The following PTP4A1 variants were observed in gnomAD, a reference collection of about 807,000 sequenced individuals.
PTP4A1 encodes protein tyrosine phosphatase type IVA 1.
In PTP4A1, 9 loss-of-function variants were observed where a neutral mutation model predicts 20.5. The observed-to-expected ratio is 0.44, with a 90% CI of 0.26 to 0.77. PTP4A1 has a LOEUF of 0.77. Ranked by LOEUF, PTP4A1 falls within the 30% of genes least tolerant of loss-of-function variation. The pLI is 0.19. For missense variants in PTP4A1, 137 were observed against 218.8 expected, an observed-to-expected ratio of 0.63 and a Z score of 2.36; for synonymous variants, 78 against 67.4, an observed-to-expected ratio of 1.16 and a Z score of -0.77.
At position 63,581,183 on chromosome 6, in the gene PTP4A1, T is replaced by C. The variant is rs1167647867; in HGVS notation, c.*1009T>C. The C allele has an allele frequency of 1.3e-5, 2 of 152,556 alleles. No homozygotes were observed. Among genetic ancestry groups the C allele is most frequent in the East Asian group, 1.9e-4 (1 of 5,186 alleles). 9.5% of individuals were successfully genotyped at this position (152,556 alleles called of 1,614,324 possible). A position where few individuals can be genotyped will look rare whatever the true frequency, so the allele number is the denominator to read the frequency against. On this transcript the variant is annotated 3_prime_UTR_variant, in exon 6 of 6. Transcript: ENST00000626021. Reference sequence around the variant, plus strand: ...CCAACCTCTCTTGCAAAAAAAGAAATGGGTTTCTGCTAATGAATTGAGCAG... The same window carrying C: ...CCAACCTCTCTTGCAAAAAAAGAAACGGGTTTCTGCTAATGAATTGAGCAG...
intron 2 of PTP4A1, among the ~76,000 whole-genome samples, chr6:63,544,016 T>C (rs185822314): frequency 1.3e-5 from 2 of 152,342 alleles, no homozygotes; most frequent in East Asian, 3.9e-4. Context: ...ATTCATTTCC[T>C]TCACCACATT....
At chr6:63,522,049 G>A (rs1397097286) in intron 1 of PTP4A1, among the ~76,000 whole-genome samples, 1 of 152,176 alleles carries the variant, frequency 6.6e-6, no homozygotes, top group African/African-American at 2.4e-5. Flanking sequence ...TTTTCCCACA[G>A]GCTTTGCCAG....
chr6:63,576,999 T>G lies in PTP4A1; in HGVS notation c.105+14T>G. 1 of 1,583,598 alleles carries G rather than the reference T, an allele frequency of 6.3e-7. No homozygotes were observed. The highest frequency in any genetic ancestry group is 8.7e-7 in the Non-Finnish European group (1 of 1,153,440). On this transcript the variant is annotated intron_variant, in intron 2 of 5. Coordinates refer to ENST00000626021, the MANE Select transcript of PTP4A1 (RefSeq NM_003463.5). Reference sequence around the variant, plus strand: ...AAATTTATAGAGGTAAGATTTGATATGTTTTAGTAGCTTAAATTGATTGCA... The same window carrying G: ...AAATTTATAGAGGTAAGATTTGATAGGTTTTAGTAGCTTAAATTGATTGCA...
At chr6:63,540,392 A>C (rs917681695) in intron 2 of PTP4A1, among the ~76,000 whole-genome samples, 1 of 152,154 alleles carries the variant, frequency 6.6e-6, no homozygotes, top group African/African-American at 2.4e-5. Context: ...AGGCTGAGGC[A>C]GGCAGATTGC....
chr6:63,520,488 G>A (rs969530931), upstream of PTP4A1, among the ~76,000 whole-genome samples: 2 of 152,012 alleles, frequency 1.3e-5, no homozygotes, highest in African/African-American at 4.8e-5. Flanking sequence ...TTAGCCAGGT[G>A]TGATGGCACA....
chr6:63,553,151 A>G (rs1375876320), intron 3 of PTP4A1, among the ~76,000 whole-genome samples: 2 of 152,216 alleles, frequency 1.3e-5, no homozygotes, highest in African/African-American at 4.8e-5. Context: ...AAAGTATACA[A>G]TTCAAATTTG....
In PTP4A1 at chr6:63,542,189, G is replaced by A. The variant is rs571411086; in HGVS notation, c.-639-8111G>A. ...ACTCAGGAATGGGAAACCAAACATC[G>A]TATGTTCTCACTCATAAGTGGGAGC... On this transcript the variant is annotated intron_variant, in intron 2 of 3. Coordinates refer to the PTP4A1 transcript ENST00000639568. Among the ~76,000 whole-genome samples the A allele has an allele frequency of 2.1e-3, 322 of 152,130 alleles. 3 individuals are homozygous for A. Among genetic ancestry groups the A allele is most frequent in the Admixed American group, 5.5e-3 (84 of 15,268 alleles).
the PTP4A1 span, among the ~76,000 whole-genome samples, chr6:63,516,585 C>T: frequency 2.8e-4 from 43 of 152,262 alleles, no homozygotes; most frequent in African/African-American, 1.0e-3. Flanking sequence ...CATGAGGGCA[C>T]TCAAACATGG....
intron 2 of PTP4A1, among the ~76,000 whole-genome samples, chr6:63,529,718 G>A (rs956962394): frequency 6.6e-6 from 1 of 152,162 alleles, no homozygotes; most frequent in African/African-American, 2.4e-5. Context: ...AAAAGGTTAT[G>A]CATTTTATCA....
In PTP4A1 at chr6:63,582,220, G is replaced by A. The variant is rs1354018932; in HGVS notation, c.*2046G>A. Reference sequence around the variant, plus strand: ...TTTTTTTTAAAGGAAATGCAGCCTAGTCTTGAGAACATAATTTTATATAAT... The same window carrying A: ...TTTTTTTTAAAGGAAATGCAGCCTAATCTTGAGAACATAATTTTATATAAT... On this transcript the variant is annotated 3_prime_UTR_variant, in exon 6 of 6. Coordinates refer to ENST00000626021, the MANE Select transcript of PTP4A1 (RefSeq NM_003463.5). The A allele has an allele frequency of 6.7e-6, 1 of 150,136 alleles. No individual in the cohort carries two copies. The highest frequency in any genetic ancestry group is 1.5e-5 in the Non-Finnish European group (1 of 67,462). The allele number at this position is 150,136 out of a possible 1,614,324, so 9.3% of individuals were successfully genotyped here. A position where few individuals can be genotyped will look rare whatever the true frequency, so the allele number is the denominator to read the frequency against.
upstream of PTP4A1, among the ~76,000 whole-genome samples, chr6:63,521,560 C>A (rs916477461): frequency 6.6e-6 from 1 of 152,164 alleles, no homozygotes; most frequent in African/African-American, 2.4e-5. Context: ...ATTATACTAC[C>A]ATTAACCACC....
intron 1 of PTP4A1, among the ~76,000 whole-genome samples, chr6:63,522,615 C>T (rs1386684762): frequency 1.3e-5 from 2 of 152,132 alleles, no homozygotes; most frequent in Non-Finnish European, 2.9e-5. Flanking sequence ...GTTAAAAGAA[C>T]ACAATAGTGT....
Position 63,582,839 on chromosome 6 carries a change from C to G in PTP4A1, c.*2665C>G, listed in dbSNP as rs1438495724. 1 of 152,204 alleles carries G rather than the reference C, an allele frequency of 6.6e-6. No individual in the cohort carries two copies. The highest frequency in any genetic ancestry group is 6.6e-5 in the Admixed American group (1 of 15,264). The allele number at this position is 152,204 out of a possible 1,614,324, so 9.4% of individuals were successfully genotyped here. On this transcript the variant is annotated 3_prime_UTR_variant, in exon 6 of 6. Coordinates refer to ENST00000626021, the MANE Select transcript of PTP4A1 (RefSeq NM_003463.5). ...GCCCTCTTTTCCCTAGGGCATTGCTCTCCTATTCCCACGCCTTAACACAGC... is the reference window on the plus strand; with the variant it reads ...GCCCTCTTTTCCCTAGGGCATTGCTGTCCTATTCCCACGCCTTAACACAGC...
intron 2 of PTP4A1, among the ~76,000 whole-genome samples, chr6:63,542,022 GGTGTGTGTGTGTGTGT>G (rs72091849): frequency 2.9e-4 from 43 of 146,844 alleles, no homozygotes; most frequent in African/African-American, 1.0e-3. Context: ...AAGAAACTGT[GGTGTGTGTGTGTGTGT>G]GTGTGTGTGT....
chr6:63,554,533 C>A (rs1776589843), intron 3 of PTP4A1, among the ~76,000 whole-genome samples: 1 of 152,168 alleles, frequency 6.6e-6, no homozygotes, highest in African/African-American at 2.4e-5. Flanking sequence ...CACGGTGGCT[C>A]ACACCTGTAA....
intron 2 of PTP4A1, among the ~76,000 whole-genome samples, chr6:63,538,197 T>C (rs1369955474): frequency 6.6e-6 from 1 of 152,144 alleles, no homozygotes; most frequent in Non-Finnish European, 1.5e-5. Context: ...AGTAGGGAAA[T>C]GACAGGTTGT....
At chr6:63,559,368 A>G (rs1048289678) in intron 3 of PTP4A1, among the ~76,000 whole-genome samples, 4 of 152,186 alleles carry the variant, frequency 2.6e-5, no homozygotes, top group Non-Finnish European at 5.9e-5. Context: ...CTTACTTGTA[A>G]AAACAGTAAA....
At chr6:63,578,800 A>C (rs767970747) in intron 3 of PTP4A1, 98 bp from the exon 4 acceptor site, 37 of 1,239,816 alleles carry the variant, frequency 3.0e-5, no homozygotes, top group Non-Finnish European at 3.9e-5. Flanking sequence ...CATTAAAATG[A>C]GAATGCTTTT....
chr6:63,542,181 C>T (rs1776009694), intron 2 of PTP4A1, among the ~76,000 whole-genome samples: 1 of 152,008 alleles, frequency 6.6e-6, no homozygotes, highest in Non-Finnish European at 1.5e-5. Flanking sequence ...AATGGGAAAC[C>T]AAACATCGTA....
Sources: gnomAD v4.1 joint callset for allele counts (sites outside exome capture counted in the v4.1 genomes callset) on GRCh38, gnomAD v4.1.1 for gene constraint, MANE v1.5 for transcripts, NCBI Gene and HGNC (gene_info 2026-07-23, HGNC 2026-07-21) for gene names.